ZNF236: variants seen among roughly 807,000 people sequenced by gnomAD.
The protein encoded by ZNF236 is regulated by glucose.
In ZNF236, 50 loss-of-function variants were observed where a neutral mutation model predicts 191.2. The ratio of observed to expected loss-of-function variants is 0.26; its 90% CI spans 0.21 to 0.33. ZNF236 has a LOEUF of 0.33. ZNF236 is among the 10% of genes least tolerant of loss of function. The pLI is 1.00. For missense variants in ZNF236, 1,754 were observed against 2,374.5 expected (o/e 0.74, Z 5.43); for synonymous variants, 907 against 928.8 (o/e 0.98, Z 0.43).
At chr18:76,920,466 G>A (rs62113129) in intron 20 of ZNF236, among the ~76,000 whole-genome samples, 5 of 151,190 alleles carry the variant, frequency 3.3e-5, no homozygotes, top group African/African-American at 7.3e-5. Context: ...CAGGAGAATC[G>A]CTTGAACCTG....
chr18:76,854,432 C>T (rs1975983516), intron 3 of ZNF236, among the ~76,000 whole-genome samples: 1 of 151,954 alleles, frequency 6.6e-6, no homozygotes, highest in Non-Finnish European at 1.5e-5. Context: ...AAAGTTATCA[C>T]TCATTATCAA....
At chr18:76,834,295 T>C (rs991467586) in intron 1 of ZNF236, 3 of 169,040 alleles carry the variant, frequency 1.8e-5, no homozygotes, top group Non-Finnish European at 3.8e-5. Flanking sequence ...GTTTGGACTT[T>C]CAATTCAATT....
intron 3 of ZNF236, among the ~76,000 whole-genome samples, chr18:76,855,499 C>A (rs1346262636): frequency 2.0e-5 from 3 of 152,186 alleles, no homozygotes. Flanking sequence ...GCCTTTTCAT[C>A]AGTTAACTAT....
Position 76,848,583 on chromosome 18 carries a change from C to T in ZNF236, c.56-943C>T, listed in dbSNP as rs371981668. Among the ~76,000 whole-genome samples the T allele has an allele frequency of 5.9e-5, 9 of 152,074 alleles. No homozygotes were observed. In the East Asian group the frequency reaches 1.5e-3, roughly 26 times the overall value. ...CTTTACCTGGGTGGGTTTATAGAAG[C>T]TCTTTGTAAAAATTGAGGATTGTCT... On this transcript the variant is annotated intron_variant, in intron 1 of 30. Coordinates refer to ENST00000320610, the MANE Select transcript of ZNF236 (RefSeq NM_001306089.2).
chr18:76,845,674 C>A (rs1273019365), intron 1 of ZNF236, among the ~76,000 whole-genome samples: 2 of 152,024 alleles, frequency 1.3e-5, no homozygotes, highest in African/African-American at 2.4e-5. Context: ...CATGGTGAAA[C>A]CCTGTCTCTA....
chr18:76,845,308 A>G (rs1975642272), intron 1 of ZNF236, among the ~76,000 whole-genome samples: 1 of 152,064 alleles, frequency 6.6e-6, no homozygotes, highest in African/African-American at 2.4e-5. Context: ...AATTCTACAT[A>G]TGCACCCCCT....
chr18:76,895,430 TCACA>T, intron 10 of ZNF236, 145 bp downstream of exon 10: 1 of 1,146,202 alleles, frequency 8.7e-7, no homozygotes. Context: ...GCACAAAGTA[TCACA>T]CACAGTACTG....
intron 3 of ZNF236, among the ~76,000 whole-genome samples, chr18:76,866,330 G>A (rs1239541719): frequency 6.6e-6 from 1 of 152,184 alleles, no homozygotes; most frequent in East Asian, 1.9e-4. Context: ...TTTATTTTGT[G>A]TGTTGAGCAG....
intron 19 of ZNF236, among the ~76,000 whole-genome samples, chr18:76,916,613 G>A (rs1172900484): frequency 2.6e-5 from 4 of 152,174 alleles, no homozygotes; most frequent in African/African-American, 7.2e-5. Flanking sequence ...GAAGTTCCAC[G>A]ATGAAATTAT....
Position 76,925,717 on chromosome 18 carries a change from T to C in ZNF236, c.4027+163T>C, listed in dbSNP as rs1967659053. On this transcript the variant is annotated intron_variant, in intron 22 of 30. Coordinates refer to ENST00000320610, the MANE Select transcript of ZNF236 (RefSeq NM_001306089.2). This position sits in a 1 kb window ranked among gnomAD's most constrained non-coding sequence, Gnocchi z 5.7. ...CATTCGGAAAAATTGGAATTCCGTCTTGCAGACATTGCTCCTTTCCATTTC... is the reference window on the plus strand; with the variant it reads ...CATTCGGAAAAATTGGAATTCCGTCCTGCAGACATTGCTCCTTTCCATTTC... Among the ~76,000 whole-genome samples the C allele has an allele frequency of 3.3e-5, 5 of 152,380 alleles. No homozygotes were observed. In the South Asian group the frequency reaches 1.0e-3, roughly 32 times the overall value.
intron 11 of ZNF236, among the ~76,000 whole-genome samples, chr18:76,904,042 A>G (rs1191417455): frequency 4.0e-5 from 6 of 150,934 alleles, no homozygotes; most frequent in African/African-American, 1.2e-4. Context: ...TAAATGTAGA[A>G]ATTCATTAGA....
rs771539667 is a variant in ZNF236, at chr18:76,868,788, C to G, written c.467C>G (p.Ala156Gly). ...GAGCTGGCTGGAACCCGGCAGCATGCCTGCAAGGCCTGCAAGAAAGAGTTC... is the reference window on the plus strand; with the variant it reads ...GAGCTGGCTGGAACCCGGCAGCATGGCTGCAAGGCCTGCAAGAAAGAGTTC... ...RQELAGTRQHACKACKKEFET... is the reference protein window; with the variant it reads ...RQELAGTRQHGCKACKKEFET... Residue 156 changes from alanine (A) to glycine (G), a missense_variant, in exon 4 of 31, where the codon GCC (alanine) becomes GGC (glycine). Physicochemically the swap from Ala to Gly is moderately conservative, Grantham distance 60. Transcript: ENST00000320610. The G allele has an allele frequency of 1.9e-6, 3 of 1,613,688 alleles. No homozygotes were observed. In the African/African-American group the frequency reaches 4.0e-5, roughly 22 times the overall value.
rs1977685521 is a variant in ZNF236, at chr18:76,904,450, A to G, written c.1965A>G (p.Ala655=). Residue 655 remains alanine (A), a synonymous_variant, in exon 12 of 31, where the codon GCA becomes GCG. Transcript: ENST00000320610. ...TCAATAATAATTTTGTCAATGAAGC[A>G]GATAGACCATACAAGTGTTTTTACT... ...SYFNNNFVNE[A]DRPYKCFYCH... is the part of the protein sequence containing the mutation. 6.2e-7 allele frequency: 1 copy of G among 1,611,774 alleles called. No homozygotes were observed. Among genetic ancestry groups the G allele is most frequent in the Non-Finnish European group, 8.5e-7 (1 of 1,179,020 alleles).
At chr18:76,871,941 A>G (rs1248281531) in intron 5 of ZNF236, 116 bp downstream of exon 5, 3 of 1,312,516 alleles carry the variant, frequency 2.3e-6, no homozygotes, top group Non-Finnish European at 3.2e-6. Flanking sequence ...TTGCTGGATA[A>G]TCTTGCTGAA....
intron 3 of ZNF236, among the ~76,000 whole-genome samples, chr18:76,856,493 T>C (rs1258518478): frequency 6.6e-6 from 1 of 152,208 alleles, no homozygotes; most frequent in East Asian, 1.9e-4. Context: ...AGCCATCCCA[T>C]TTTCAATACT....
chr18:76,949,021 A>G (rs1341131181), intron 27 of ZNF236, among the ~76,000 whole-genome samples: 1 of 152,218 alleles, frequency 6.6e-6, no homozygotes, highest in Non-Finnish European at 1.5e-5. Context: ...TGGAGTGTGC[A>G]GGGTTTGAGC....
In ZNF236 at chr18:76,968,269, G is replaced by C; in HGVS notation, c.5474G>C (p.Arg1825Pro). ...HPEQDGEELS[R>P]TLHLEEVVQE... ...GAGCAGGACGGGGAGGAGCTGAGCCGGACCCTCCACCTGGAGGAGGTGGTG... is the reference window on the plus strand; with the variant it reads ...GAGCAGGACGGGGAGGAGCTGAGCCCGACCCTCCACCTGGAGGAGGTGGTG... Residue 1825 changes from arginine to proline, a missense_variant, in exon 31 of 31, where the codon CGG (arginine) becomes CCG (proline). By Grantham distance (103) the Arg-to-Pro change is moderately radical. Transcript: ENST00000320610. 1 of 1,611,724 alleles carries C rather than the reference G, an allele frequency of 6.2e-7. No homozygotes were observed. Among genetic ancestry groups the C allele is most frequent in the Non-Finnish European group, 8.5e-7 (1 of 1,179,372 alleles).
chr18:76,961,131 T>A (rs1379993318), intron 30 of ZNF236, among the ~76,000 whole-genome samples: 1 of 152,108 alleles, frequency 6.6e-6, no homozygotes, highest in African/African-American at 2.4e-5. Context: ...TGCACCCTAT[T>A]TATAGTCTTT....
At chr18:76,935,594 T>C in intron 25 of ZNF236, among the ~76,000 whole-genome samples, 1 of 152,212 alleles carries the variant, frequency 6.6e-6, no homozygotes, top group East Asian at 1.9e-4. Flanking sequence ...GCTCTAAGTG[T>C]GATCCTGGGC....
Sources: gnomAD v4.1 joint callset for allele counts (sites outside exome capture counted in the v4.1 genomes callset) on GRCh38, gnomAD v4.1.1 for gene constraint, Gnocchi (gnomAD v3.1) non-coding constraint, MANE v1.5 for transcripts, NCBI Gene and HGNC (gene_info 2026-07-23, HGNC 2026-07-21) for gene names.